Variants in GCDH observed in about 807,000 individuals in gnomAD.
GCDH encodes glutaryl-CoA dehydrogenase, mitochondrial.
A neutral mutation model predicts 52.8 loss-of-function variants in GCDH; 31 were observed. The observed-to-expected ratio is 0.59, with a 90% CI of 0.44 to 0.79. The LOEUF is 0.79. GCDH is among the 30% of genes least tolerant of loss of function. The pLI, the probability that GCDH is intolerant of heterozygous loss-of-function variation, is 0.00. For missense variants in GCDH, 509 were observed against 595.0 expected (o/e 0.86, Z 1.50); for synonymous variants, 242 against 250.0 (o/e 0.97, Z 0.30).
Position 12,897,824 on chromosome 19 carries a change from C to G in GCDH, c.1204C>G (p.Arg402Gly). The G allele has an allele frequency of 6.2e-7, 1 of 1,613,928 alleles. No individual in the cohort carries two copies. ...NGISDEYHVI[R>G]HAMNLEAVNT... ...GATTTCTGACGAGTATCACGTGATC[C>G]GGCACGCCATGAACCTGGAGGCCGT... The change falls in exon 11 of 12, where the codon CGG (arginine) becomes GGG (glycine). Residue 402 changes from arginine (R) to glycine (G), a missense_variant. By Grantham distance (125) the Arg-to-Gly change is moderately radical (BLOSUM62 -2). Coordinates refer to ENST00000222214, the MANE Select transcript of GCDH (RefSeq NM_000159.4).
intron 6 of GCDH, among the ~76,000 whole-genome samples, chr19:12,895,611 T>G (rs1970653404): frequency 6.6e-6 from 1 of 151,610 alleles, no homozygotes; most frequent in East Asian, 1.9e-4. Context: ...TTGGTCAGGC[T>G]GGATTTTTTT....
intron 2 of GCDH, 23 bp downstream of exon 2, chr19:12,891,418 G>A: frequency 6.2e-7 from 1 of 1,614,182 alleles, no homozygotes; most frequent in Non-Finnish European, 8.5e-7. Context: ...TCGGGAGTGT[G>A]GAGGGAAGGA....
rs141437721 is a variant in GCDH, at chr19:12,897,833, A to G, written c.1213A>G (p.Met405Val). 5.9e-5 allele frequency: 95 copies of G among 1,613,956 alleles called. No individual in the cohort carries two copies. The African/African-American group carries it at 6.7e-4, about 11-fold the overall frequency. ...SDEYHVIRHA[M>V]NLEAVNTYEG... The stretch of plus-strand genomic sequence containing the variant: ...CGAGTATCACGTGATCCGGCACGCC[A>G]TGAACCTGGAGGCCGTGAACACCTA... Residue 405 changes from methionine to valine, a missense_variant, in exon 11 of 12, where the codon ATG becomes GTG. Transcript: ENST00000222214.
rs1970664066 is a variant in GCDH at position 12,895,915 on chromosome 19, C to G, written c.506-77C>G. The G allele has an allele frequency of 2.5e-6, 4 of 1,571,070 alleles. No individual in the cohort carries two copies. The South Asian group carries it at 3.3e-5, about 13-fold the overall frequency. On this transcript the variant is annotated intron_variant, in intron 6 of 11. Coordinates refer to ENST00000222214, the MANE Select transcript of GCDH (RefSeq NM_000159.4). ...GATGACAGGCGTGAGCCACTGCACC[C>G]CGCCACGAGGATAATTTTTGAGTAA...
At position 12,896,498 on chromosome 19, in the gene GCDH, G is replaced by A. The variant is rs993110108; in HGVS notation, c.852+77G>A. 3 of 1,115,108 alleles carry A rather than the reference G, an allele frequency of 2.7e-6. No individual in the cohort carries two copies. Among genetic ancestry groups the A allele is most frequent in the Non-Finnish European group, 4.0e-6 (3 of 754,652 alleles). 69.1% of individuals were successfully genotyped at this position (1,115,108 alleles called of 1,614,324 possible). ...TTTGTCAGGCAGGCTCCGTGCTGGG[G>A]ACGCGGCTCCCTGTGCCTGTGGAGC... On this transcript the variant is annotated intron_variant, in intron 8 of 11. Coordinates refer to ENST00000222214, the MANE Select transcript of GCDH (RefSeq NM_000159.4). This position sits in a 1 kb window ranked among gnomAD's most constrained non-coding sequence, Gnocchi z 5.5.
At position 12,899,451 on chromosome 19, in the gene GCDH, G is replaced by A. The variant is rs767494242; in HGVS notation, c.1244-17G>A. 9 of 1,613,986 alleles carry A rather than the reference G, an allele frequency of 5.6e-6. No homozygotes were observed. Among genetic ancestry groups the A allele is most frequent in the Admixed American group, 3.3e-5 (2 of 59,986 alleles). ...GCTATGAAAACTCCAAACCGACTCT[G>A]TATTAATCTTGTCCAGGTACACATG... On this transcript the variant is annotated splice_polypyrimidine_tract_variant and intron_variant, in intron 11 of 11. Transcript: ENST00000222214.
rs1341937141 is a variant in GCDH, at chr19:12,896,383, C to T, written c.814C>T (p.Pro272Ser). Residue 272 changes from proline to serine, a missense_variant, in exon 8 of 12, where the codon CCA becomes TCA. Pro to Ser is a moderately conservative substitution (Grantham distance 74). Transcript: ENST00000222214. This position sits in a 1 kb window ranked among gnomAD's most constrained non-coding sequence, Gnocchi z 5.5. Reference sequence around the variant, plus strand: ...GATCATCATGGACGGTGTGGAGGTGCCAGAGGAGAATGTGCTCCCTGGTGC... The same window carrying T: ...GATCATCATGGACGGTGTGGAGGTGTCAGAGGAGAATGTGCTCCCTGGTGC... ...GMIIMDGVEV[P>S]EENVLPGASS... The T allele has an allele frequency of 1.2e-6, 2 of 1,613,936 alleles. No individual in the cohort carries two copies. Among genetic ancestry groups the T allele is most frequent in the Admixed American group, 3.3e-5 (2 of 60,004 alleles).
chr19:12,894,551 A>G (rs1172033643), intron 6 of GCDH: 1 of 661,176 alleles, frequency 1.5e-6, no homozygotes, highest in African/African-American at 1.8e-5. Context: ...TACAGCTAGC[A>G]GAATCCGTAA....
intron 6 of GCDH, chr19:12,894,142 A>T: frequency 6.6e-7 from 1 of 1,524,522 alleles, no homozygotes; most frequent in Non-Finnish European, 9.0e-7. Context: ...GATGAAGCTG[A>T]ACATCTCCTT....
In GCDH at chr19:12,899,648, A is replaced by G. The variant is rs1970788567; in HGVS notation, c.*107A>G. The G allele has an allele frequency of 1.9e-6, 3 of 1,612,512 alleles. No homozygotes were observed. Among genetic ancestry groups the G allele is most frequent in the Non-Finnish European group, 2.5e-6 (3 of 1,179,230 alleles). ...GCTTAGAAAGGGAGGTGGCGGATGG[A>G]GTGGGAAGTGAGAGACACTGATTTT... On this transcript the variant is annotated 3_prime_UTR_variant, in exon 12 of 12. Coordinates refer to ENST00000222214, the MANE Select transcript of GCDH (RefSeq NM_000159.4).
intron 6 of GCDH, 23 bp from the exon 7 acceptor site, chr19:12,895,969 G>A (rs1169137002): frequency 1.2e-6 from 2 of 1,613,610 alleles, no homozygotes; most frequent in Non-Finnish European, 1.7e-6. Flanking sequence ...AGGCAGCCTT[G>A]TGACTTTGTC....
At chr19:12,895,314 C>T (rs901789597) in intron 6 of GCDH, among the ~76,000 whole-genome samples, 5 of 152,116 alleles carry the variant, frequency 3.3e-5, no homozygotes, top group Non-Finnish European at 5.9e-5. Context: ...GGCTGAAGTG[C>T]AGTGGTACAA....
At chr19:12,898,548 A>C (rs1383230030) in intron 11 of GCDH, among the ~76,000 whole-genome samples, 1 of 150,912 alleles carries the variant, frequency 6.6e-6, no homozygotes, top group Non-Finnish European at 1.5e-5. Flanking sequence ...GGATCCTACA[A>C]ATGTGAGAAT....
rs56251518 is a variant in GCDH, at chr19:12,895,777, A to AT, written c.506-194dup. On this transcript the variant is annotated intron_variant, in intron 6 of 11. Transcript: ENST00000222214. The stretch of plus-strand genomic sequence containing the variant: ...CAGGCACCCACCACCACATCTGGCT[A>AT]TTTTTTTTTTTTTTTTTTTTTAAGT... Among the ~76,000 whole-genome samples the AT allele has an allele frequency of 0.016, 1,792 of 109,990 alleles. 26 individuals carry two copies. Among genetic ancestry groups the AT allele is most frequent in the Middle Eastern group, 0.038 (7 of 182 alleles). 72.2% of individuals were successfully genotyped at this position (109,990 alleles called of 152,430 possible). A position where few individuals can be genotyped will look rare whatever the true frequency, so the allele number is the denominator to read the frequency against.
rs1384982808 is a variant in GCDH at position 12,891,266 on chromosome 19, T to C, written c.-34-5T>C. 1.3e-6 allele frequency: 2 copies of C among 1,553,552 alleles called. No individual in the cohort carries two copies. The highest frequency in any genetic ancestry group is 1.8e-6 in the Non-Finnish European group (2 of 1,140,474). On this transcript the variant is annotated splice_polypyrimidine_tract_variant and splice_region_variant and intron_variant, in intron 1 of 11. Transcript: ENST00000222214. ...AGCTCCGCTCTGACACCCCCGCTCC[T>C]GTAGGTCGCCGTCGTTGCTCCGCTC...
chr19:12,895,777 ATTT>A lies in GCDH; in HGVS notation c.506-196_506-194del, dbSNP rs56251518. On this transcript the variant is annotated intron_variant, in intron 6 of 11. Coordinates refer to ENST00000222214, the MANE Select transcript of GCDH (RefSeq NM_000159.4). ...CAGGCACCCACCACCACATCTGGCT[ATTT>A]TTTTTTTTTTTTTTTTTTAAGTAGA... Among the ~76,000 whole-genome samples, 558 of 109,996 alleles carry A rather than the reference ATTT, an allele frequency of 5.1e-3. 9 individuals carry two copies. Among genetic ancestry groups the A allele is most frequent in the Admixed American group, 0.028 (294 of 10,518 alleles). 72.2% of individuals were successfully genotyped at this position (109,996 alleles called of 152,430 possible). A position where few individuals can be genotyped will look rare whatever the true frequency, so the allele number is the denominator to read the frequency against.
chr19:12,891,644 T>C (rs1599607176), intron 3 of GCDH, 122 bp downstream of exon 3: 5 of 1,608,812 alleles, frequency 3.1e-6, no homozygotes, highest in Non-Finnish European at 4.2e-6. Flanking sequence ...GTGGCCAGGG[T>C]CAGAGGCACT....
intron 6 of GCDH, chr19:12,894,590 G>A (rs895876982): frequency 7.5e-6 from 5 of 664,694 alleles, no homozygotes; most frequent in Non-Finnish European, 8.1e-6. Flanking sequence ...AGAAAATGAT[G>A]TCTGCCAGTA....
chr19:12,894,154 C>T lies in GCDH; in HGVS notation c.505+501C>T, dbSNP rs548585582. On this transcript the variant is annotated intron_variant, in intron 6 of 11. Coordinates refer to ENST00000222214, the MANE Select transcript of GCDH (RefSeq NM_000159.4). ...CAAGATGAAGCTGAACATCTCCTTC[C>T]CAGCCACTGGCTGCCAGAAACTCAT... The T allele has an allele frequency of 4.5e-3, 6,952 of 1,559,310 alleles. 25 individuals are homozygous for T. The highest frequency in any genetic ancestry group is 5.5e-3 in the Non-Finnish European group (6,269 of 1,139,390).
Sources: gnomAD v4.1 joint callset for allele counts (sites outside exome capture counted in the v4.1 genomes callset) on GRCh38, gnomAD v4.1.1 for gene constraint, Gnocchi (gnomAD v3.1) non-coding constraint, MANE v1.5 for transcripts, NCBI Gene and HGNC (gene_info 2026-07-23, HGNC 2026-07-21) for gene names.